The following TNNI3K variants were observed in gnomAD, a reference collection of about 807,000 sequenced individuals.
TNNI3K encodes the protein TNNI3 interacting kinase.
In TNNI3K, 140 loss-of-function variants were observed where a neutral mutation model predicts 114.5. That is an observed-to-expected ratio of 1.22 (90% CI 1.07 to 1.41). The LOEUF (loss-of-function observed/expected upper bound fraction) is 1.41, where lower values mean the gene tolerates loss of function less well. Among genes scored for constraint, TNNI3K ranks in the 40% most tolerant of loss-of-function variants. The pLI, the probability that TNNI3K is intolerant of heterozygous loss-of-function variation, is 0.00. For missense variants in TNNI3K, 1,125 were observed against 1,007.6 expected (o/e 1.12, Z -1.58); for synonymous variants, 347 against 347.5 (o/e 1.00, Z 0.02).
intron 5 of TNNI3K, among the ~76,000 whole-genome samples, chr1:74,286,390 A>G (rs1350223430): frequency 6.6e-6 from 1 of 152,010 alleles, no homozygotes; most frequent in Non-Finnish European, 1.5e-5. Context: ...CAGCCCTCAC[A>G]GCTCCAGGCC....
chr1:74,349,178 C>A (rs1209007713), intron 9 of TNNI3K, among the ~76,000 whole-genome samples: 3 of 152,036 alleles, frequency 2.0e-5, no homozygotes, highest in Admixed American at 6.6e-5. Flanking sequence ...CCCATCAATA[C>A]CTAATTTATT....
At chr1:74,245,336 T>C (rs1654488437) in intron 2 of TNNI3K, among the ~76,000 whole-genome samples, 1 of 152,208 alleles carries the variant, frequency 6.6e-6, no homozygotes, top group Non-Finnish European at 1.5e-5. Flanking sequence ...ATGAAATCCT[T>C]GTCTTTGTCT....
intron 17 of TNNI3K, among the ~76,000 whole-genome samples, chr1:74,423,474 A>G (rs1189024258): frequency 6.6e-6 from 1 of 152,150 alleles, no homozygotes; most frequent in Non-Finnish European, 1.5e-5. Flanking sequence ...AGGAAAGTAA[A>G]TGAATTTAGA....
At chr1:74,376,367 G>T (rs1662905609) in intron 17 of TNNI3K, among the ~76,000 whole-genome samples, 1 of 151,846 alleles carries the variant, frequency 6.6e-6, no homozygotes, top group African/African-American at 2.4e-5. Context: ...CCCTCTCCCA[G>T]CTATTTCTTT....
intron 17 of TNNI3K, among the ~76,000 whole-genome samples, chr1:74,382,975 G>A (rs1205014379): frequency 6.6e-6 from 1 of 152,038 alleles, no homozygotes; most frequent in East Asian, 1.9e-4. Context: ...CCTGTCCATG[G>A]TCTCTGAAAG....
At chr1:74,417,164 G>A (rs1448944566) in intron 17 of TNNI3K, among the ~76,000 whole-genome samples, 4 of 152,042 alleles carry the variant, frequency 2.6e-5, no homozygotes, top group Non-Finnish European at 5.9e-5. Context: ...ATTATTCAGG[G>A]AAATATACTT....
At chr1:74,297,038 A>T (rs1658030718) in intron 5 of TNNI3K, among the ~76,000 whole-genome samples, 1 of 152,122 alleles carries the variant, frequency 6.6e-6, no homozygotes. Flanking sequence ...ATTATCTCTT[A>T]AAATATTGCT....
chr1:74,344,598 G>A (rs1414551087), intron 9 of TNNI3K, among the ~76,000 whole-genome samples: 1 of 152,144 alleles, frequency 6.6e-6, no homozygotes, highest in African/African-American at 2.4e-5. Flanking sequence ...TGTACTGGTT[G>A]CTGGTATTCT....
intron 17 of TNNI3K, among the ~76,000 whole-genome samples, chr1:74,393,851 C>T (rs1557540403): frequency 6.6e-6 from 1 of 152,120 alleles, no homozygotes; most frequent in Non-Finnish European, 1.5e-5. Flanking sequence ...AGATCCCTTG[C>T]ATGCATAGTT....
chr1:74,535,043 G>A (rs1188465063), intron 23 of TNNI3K, among the ~76,000 whole-genome samples: 9 of 147,508 alleles, frequency 6.1e-5, no homozygotes, highest in East Asian at 2.0e-4. Flanking sequence ...TAAAAATCAG[G>A]CATTCAGCCC....
chr1:74,475,696 A>G (rs1251112006), intron 21 of TNNI3K: 7 of 709,150 alleles, frequency 9.9e-6, no homozygotes, highest in African/African-American at 1.8e-5. Context: ...ATGAGCACAC[A>G]GGGGTTCATC....
At position 74,539,264 on chromosome 1, in the gene TNNI3K, G is replaced by T. The variant is rs192417096; in HGVS notation, c.2352-970G>T. Among the ~76,000 whole-genome samples, 459 of 152,252 alleles carry T rather than the reference G, an allele frequency of 3.0e-3. 2 individuals are homozygous for T. Among genetic ancestry groups the T allele is most frequent in the African/African-American group, 0.01 (429 of 41,564 alleles). ...AGGACTCCAATAATTTTGGCTCAAG[G>T]TAACTGAACGATGTAATACTGGTAA... On this transcript the variant is annotated intron_variant, in intron 23 of 24. Coordinates refer to ENST00000326637, the MANE Select transcript of TNNI3K (RefSeq NM_015978.3).
chr1:74,301,856 C>A (rs1376269356), intron 5 of TNNI3K, among the ~76,000 whole-genome samples: 1 of 152,096 alleles, frequency 6.6e-6, no homozygotes, highest in Non-Finnish European at 1.5e-5. Flanking sequence ...GTCAGAGGAA[C>A]CTTGGAAACA....
chr1:74,506,854 T>G lies in TNNI3K; in HGVS notation c.2351+14588T>G, dbSNP rs148018312. ...CTATGAGCATTCCTAATCTCATTCTTACACTTGATGGAAAGATTCACTGTC... is the reference window on the plus strand; with the variant it reads ...CTATGAGCATTCCTAATCTCATTCTGACACTTGATGGAAAGATTCACTGTC... On this transcript the variant is annotated intron_variant, in intron 23 of 24. Transcript: ENST00000326637. 3.5e-4 allele frequency among the ~76,000 whole-genome samples: 54 copies of G among 152,312 alleles called. 1 individual carries two copies. The South Asian group carries it at 3.9e-3, about 11-fold the overall frequency.
At chr1:74,333,716 A>G (rs950554344) in intron 6 of TNNI3K, among the ~76,000 whole-genome samples, 3 of 152,206 alleles carry the variant, frequency 2.0e-5, no homozygotes, top group South Asian at 2.1e-4. Context: ...CTAATGTGCC[A>G]TGTTCCTTGT....
At chr1:74,446,656 G>T (rs552028117) in intron 20 of TNNI3K, among the ~76,000 whole-genome samples, 1 of 150,070 alleles carries the variant, frequency 6.7e-6, no homozygotes, top group East Asian at 2.0e-4. Context: ...TTTTCTTCTA[G>T]GGTTTTTATG....
intron 9 of TNNI3K, among the ~76,000 whole-genome samples, chr1:74,343,994 A>G (rs1257256287): frequency 6.6e-6 from 1 of 152,226 alleles, no homozygotes; most frequent in Non-Finnish European, 1.5e-5. Flanking sequence ...CCTACACATT[A>G]CATATGTTTC....
intron 21 of TNNI3K, chr1:74,472,015 T>A (rs547827553): frequency 3.2e-5 from 22 of 692,760 alleles, no homozygotes; most frequent in Non-Finnish European, 5.1e-5. Context: ...ATAGTGTTCC[T>A]CAGGCTCACA....
intron 23 of TNNI3K, among the ~76,000 whole-genome samples, chr1:74,508,693 G>T (rs927498103): frequency 1.1e-4 from 17 of 152,184 alleles, no homozygotes; most frequent in African/African-American, 4.1e-4. Flanking sequence ...CCAACCCGGG[G>T]CATATGTCTG....
Sources: allele counts gnomAD v4.1 joint callset (sites outside exome capture counted in the v4.1 genomes callset), GRCh38; gene constraint gnomAD v4.1.1; transcripts MANE v1.5; gene names NCBI Gene and HGNC (gene_info 2026-07-23, HGNC 2026-07-21).